The following ATP13A3 variants were observed in gnomAD, a reference collection of about 807,000 sequenced individuals.
ATP13A3 encodes the protein polyamine-transporting ATPase 13A3.
In ATP13A3, 59 loss-of-function variants were observed where a neutral mutation model predicts 158.1. That is an observed-to-expected ratio of 0.37 (90% CI 0.30 to 0.46). The LOEUF is 0.46. Among genes scored for constraint, ATP13A3 ranks in the 20% least tolerant of loss-of-function variants. The pLI, the probability that ATP13A3 is intolerant of heterozygous loss-of-function variation, is 1.00. For synonymous variants in ATP13A3, 491 were observed against 504.3 expected (o/e 0.97, Z 0.35); for missense variants, 1,166 against 1,525.2 (o/e 0.76, Z 3.92).
At position 194,425,519 on chromosome 3, in the gene ATP13A3, T is replaced by C. The variant is rs189073215; in HGVS notation, c.3136A>G (p.Thr1046Ala). 2,741 of 1,611,388 alleles carry C rather than the reference T, an allele frequency of 1.7e-3. 4 individuals carry two copies. Among genetic ancestry groups the C allele is most frequent in the Non-Finnish European group, 1.6e-3 (1,934 of 1,179,254 alleles). ...GAATTCCAAAACCCGCTTCCTGTTGTATTACAAGCACTAGAACACATGCAA... is the reference window on the plus strand; with the variant it reads ...GAATTCCAAAACCCGCTTCCTGTTGCATTACAAGCACTAGAACACATGCAA... ...VWHPKSDACN[T>A]TGSGFWNSSH... The change falls in exon 30 of 34, where the codon ACA becomes GCA. Residue 1046 changes from threonine to alanine, a missense_variant. By Grantham distance (58) the Thr-to-Ala change is moderately conservative. Transcript: ENST00000645319.
intron 6 of ATP13A3, among the ~76,000 whole-genome samples, chr3:194,458,790 T>C (rs1328913905): frequency 1.3e-5 from 2 of 152,170 alleles, no homozygotes; most frequent in Non-Finnish European, 2.9e-5. Context: ...CATTAGTGTA[T>C]CTGAGTAAAA....
At chr3:194,472,928 C>T (rs1439392896) in intron 2 of ATP13A3, among the ~76,000 whole-genome samples, 1 of 152,096 alleles carries the variant, frequency 6.6e-6, no homozygotes, top group Non-Finnish European at 1.5e-5. Flanking sequence ...TATGTTCTCA[C>T]TTGTAAGTGG....
intron 10 of ATP13A3, chr3:194,452,414 C>G (rs1467711734): frequency 6.6e-6 from 1 of 152,206 alleles, no homozygotes; most frequent in African/African-American, 2.4e-5. Context: ...ATTCCTTGAA[C>G]CTGGGAGGCG....
chr3:194,405,714 T>G lies in ATP13A3; in HGVS notation c.*205A>C, dbSNP rs1412014603. On this transcript the variant is annotated 3_prime_UTR_variant, in exon 34 of 34. Coordinates refer to ENST00000645319, the MANE Select transcript of ATP13A3 (RefSeq NM_001367549.1). ...GGGTTGCTGAATGAAGATATAGGAC[T>G]TTATGGATTGATTGTTAATTTAACT... is the stretch of plus-strand genomic sequence containing the variant. The G allele has an allele frequency of 5.3e-6, 3 of 568,464 alleles. No homozygotes were observed. The highest frequency in any genetic ancestry group is 9.2e-6 in the Non-Finnish European group (3 of 325,622). The allele number at this position is 568,464 out of a possible 1,614,324, so 35.2% of individuals were successfully genotyped here.
chr3:194,413,040 T>C (rs567988090), intron 32 of ATP13A3: 1 of 152,388 alleles, frequency 6.6e-6, no homozygotes, highest in African/African-American at 2.4e-5. Flanking sequence ...ACTGTATCTC[T>C]CTCTTCCATT....
chr3:194,474,089 T>C (rs1577091567), intron 2 of ATP13A3, among the ~76,000 whole-genome samples: 1 of 152,214 alleles, frequency 6.6e-6, no homozygotes, highest in Non-Finnish European at 1.5e-5. Context: ...TATAAAAGTT[T>C]TGTGCTTTCT....
At chr3:194,437,513 C>G (rs1307726524) in intron 18 of ATP13A3, 43 bp downstream of exon 18, 1 of 1,612,918 alleles carries the variant, frequency 6.2e-7, no homozygotes, top group African/African-American at 1.3e-5. Flanking sequence ...CTTAAAGAAT[C>G]AAAACAAATA....
At chr3:194,477,198 A>C (rs1385163365) in intron 2 of ATP13A3, among the ~76,000 whole-genome samples, 2 of 152,150 alleles carry the variant, frequency 1.3e-5, no homozygotes, top group African/African-American at 4.8e-5. Context: ...CAAGCTACTA[A>C]GCTTTGATTG....
chr3:194,419,600 G>A (rs1308779592), intron 31 of ATP13A3, among the ~76,000 whole-genome samples: 4 of 152,288 alleles, frequency 2.6e-5, no homozygotes, highest in East Asian at 1.9e-4. Flanking sequence ...GTAGAGAAGA[G>A]AGGAGTAACA....
chr3:194,408,863 G>A (rs1202360777), intron 33 of ATP13A3, among the ~76,000 whole-genome samples: 2 of 152,036 alleles, frequency 1.3e-5, no homozygotes, highest in Non-Finnish European at 2.9e-5. Context: ...AGGTGCTACA[G>A]GCATGCTGGA....
chr3:194,441,567 C>G, intron 15 of ATP13A3, 106 bp from the exon 16 acceptor site: 2 of 970,458 alleles, frequency 2.1e-6, no homozygotes, highest in Non-Finnish European at 3.0e-6. Context: ...CTTTTAAATC[C>G]CAATCTGAGC....
chr3:194,473,001 G>A (rs549639473), intron 2 of ATP13A3, among the ~76,000 whole-genome samples: 1 of 152,192 alleles, frequency 6.6e-6, no homozygotes, highest in South Asian at 2.1e-4. Flanking sequence ...GCAATGACTA[G>A]ATGAAGGAAG....
chr3:194,476,606 C>T (rs981897620), intron 2 of ATP13A3, among the ~76,000 whole-genome samples: 6 of 152,182 alleles, frequency 3.9e-5, no homozygotes, highest in African/African-American at 1.4e-4. Flanking sequence ...TCTCCATCAG[C>T]TTTGCCTTGA....
At chr3:194,416,416 C>G (rs1452952182) in intron 31 of ATP13A3, among the ~76,000 whole-genome samples, 1 of 152,054 alleles carries the variant, frequency 6.6e-6, no homozygotes, top group African/African-American at 2.4e-5. Flanking sequence ...CGAGATCATG[C>G]CACTGCACTC....
chr3:194,410,724 C>A (rs1715344793), intron 33 of ATP13A3, among the ~76,000 whole-genome samples: 1 of 152,036 alleles, frequency 6.6e-6, no homozygotes, highest in Non-Finnish European at 1.5e-5. Flanking sequence ...TCAGCTAAAC[C>A]GGGGTTACTC....
At chr3:194,457,953 T>C (rs1280265101) in intron 6 of ATP13A3, among the ~76,000 whole-genome samples, 1 of 152,046 alleles carries the variant, frequency 6.6e-6, no homozygotes, top group Non-Finnish European at 1.5e-5. Flanking sequence ...GCCTAGCTAA[T>C]TTTTGTAATT....
chr3:194,482,654 C>G (rs1019982413), intron 2 of ATP13A3, among the ~76,000 whole-genome samples: 1 of 152,144 alleles, frequency 6.6e-6, no homozygotes, highest in African/African-American at 2.4e-5. Flanking sequence ...TTCTTGCATG[C>G]TATTTGAACT....
At position 194,454,350 on chromosome 3, in the gene ATP13A3, G is replaced by A. The variant is rs1366304676; in HGVS notation, c.673C>T (p.Leu225=). ...TAATAGTATTCATCAGTGCTCCACA[G>A]TATAACACTGAACAGCTGGAAAATG... ...FYIFQLFSVI[L]WSTDEYYYYA... Residue 225 remains leucine (L), a synonymous_variant, in exon 9 of 34, where the codon CTG becomes TTG. Coordinates refer to ENST00000645319, the MANE Select transcript of ATP13A3 (RefSeq NM_001367549.1). 1.1e-5 allele frequency: 17 copies of A among 1,611,252 alleles called. No individual in the cohort carries two copies. The highest frequency in any genetic ancestry group is 1.7e-4 in the Middle Eastern group (1 of 5,978).
chr3:194,443,778 A>G (rs1718206772), intron 15 of ATP13A3, among the ~76,000 whole-genome samples: 1 of 152,214 alleles, frequency 6.6e-6, no homozygotes, highest in Admixed American at 6.5e-5. Flanking sequence ...TCAAAAAGCA[A>G]CAGAAACAAA....
Sources: allele counts gnomAD v4.1 joint callset (sites outside exome capture counted in the v4.1 genomes callset), GRCh38; gene constraint gnomAD v4.1.1; transcripts MANE v1.5; gene names NCBI Gene and HGNC (gene_info 2026-07-23, HGNC 2026-07-21).